GFRAL: variants seen among roughly 807,000 people sequenced by gnomAD.
The protein encoded by GFRAL is GDNF family receptor alpha like.
In GFRAL, 36 loss-of-function variants were observed where a neutral mutation model predicts 45.4. The ratio of observed to expected loss-of-function variants is 0.79; its 90% CI spans 0.61 to 1.05. The LOEUF (loss-of-function observed/expected upper bound fraction) is 1.05, where lower values mean the gene tolerates loss of function less well. Among genes scored for constraint, GFRAL ranks in the 50% least tolerant of loss-of-function variants. GFRAL has a pLI of 0.00. For missense variants in GFRAL, 507 were observed against 467.5 expected, an observed-to-expected ratio of 1.08 and a Z score of -0.78; for synonymous variants, 166 against 154.1, an observed-to-expected ratio of 1.08 and a Z score of -0.57.
In GFRAL at chr6:55,401,984, T is replaced by C; in HGVS notation, c.*131T>C. 1 of 593,834 alleles carries C rather than the reference T, an allele frequency of 1.7e-6. No homozygotes were observed. Among genetic ancestry groups the C allele is most frequent in the Admixed American group, 3.6e-5 (1 of 27,690 alleles). The allele number at this position is 593,834 out of a possible 1,614,324, so 36.8% of individuals were successfully genotyped here. A position where few individuals can be genotyped will look rare whatever the true frequency, so the allele number is the denominator to read the frequency against. On this transcript the variant is annotated 3_prime_UTR_variant, in exon 9 of 9. Coordinates refer to ENST00000340465, the MANE Select transcript of GFRAL (RefSeq NM_207410.2). ...CCTCTCTGTTTCTTTTTCTTTTTCT[T>C]TTCTTTTTTGTGGCGGAGTTTTGCT... is the stretch of plus-strand genomic sequence containing the variant.
chr6:55,334,135 TAC>T (rs1183491465), intron 3 of GFRAL, among the ~76,000 whole-genome samples, 191 bp downstream of exon 3: 1 of 152,176 alleles, frequency 6.6e-6, no homozygotes, highest in Non-Finnish European at 1.5e-5. Flanking sequence ...GGTGTTTTGA[TAC>T]AGTTCTTGAT....
In GFRAL at chr6:55,358,031, T is replaced by C. The variant is rs545498033; in HGVS notation, c.702-857T>C. 6.0e-4 allele frequency among the ~76,000 whole-genome samples: 91 copies of C among 151,940 alleles called. 2 individuals carry two copies. The East Asian group carries it at 9.1e-3, about 15-fold the overall frequency. On this transcript the variant is annotated intron_variant, in intron 5 of 8. Coordinates refer to ENST00000340465, the MANE Select transcript of GFRAL (RefSeq NM_207410.2). ...TATTTCCTTTATTATAAATTTAATA[T>C]ACATGAATTAATCTTCATTATTATA...
chr6:55,391,938 A>G (rs1007778703), intron 6 of GFRAL, among the ~76,000 whole-genome samples: 1 of 152,094 alleles, frequency 6.6e-6, no homozygotes, highest in Admixed American at 6.6e-5. Flanking sequence ...TCCAGCTTCT[A>G]TTGCCTATGT....
chr6:55,390,028 C>G (rs1415826874), intron 6 of GFRAL, among the ~76,000 whole-genome samples: 1 of 152,248 alleles, frequency 6.6e-6, no homozygotes, highest in Non-Finnish European at 1.5e-5. Flanking sequence ...ATGCATACCT[C>G]ACTGCCTAAG....
At chr6:55,365,912 G>C (rs568557948) in intron 6 of GFRAL, among the ~76,000 whole-genome samples, 1 of 145,750 alleles carries the variant, frequency 6.9e-6, no homozygotes. Context: ...TTTTTTTGTT[G>C]TGTCCCTGCC....
chr6:55,335,387 G>C (rs1304972516), intron 3 of GFRAL, among the ~76,000 whole-genome samples: 1 of 151,816 alleles, frequency 6.6e-6, no homozygotes, highest in Non-Finnish European at 1.5e-5. Flanking sequence ...CAGAATATGT[G>C]TTTTGTATTT....
At chr6:55,376,413 G>A (rs140256450) in intron 6 of GFRAL, among the ~76,000 whole-genome samples, 3,875 of 152,026 alleles carry the variant, frequency 0.025, 90 homozygotes, top group Admixed American at 0.044. Flanking sequence ...TCAATTTTTT[G>A]GAATAGTTTC....
In GFRAL at chr6:55,371,807, T is replaced by C. The variant is rs200599133; in HGVS notation, c.952+12669T>C. 9.2e-5 allele frequency among the ~76,000 whole-genome samples: 14 copies of C among 152,348 alleles called. No individual in the cohort carries two copies. In the East Asian group the frequency reaches 2.7e-3, roughly 29 times the overall value. On this transcript the variant is annotated intron_variant, in intron 6 of 8. Coordinates refer to ENST00000340465, the MANE Select transcript of GFRAL (RefSeq NM_207410.2). ...CAGAAATAGAACTAAAGTATTCATT[T>C]AAACACATTCAAGAATCTCTATTTG...
At chr6:55,365,643 G>A (rs1480277567) in intron 6 of GFRAL, among the ~76,000 whole-genome samples, 1 of 134,920 alleles carries the variant, frequency 7.4e-6, no homozygotes, top group African/African-American at 3.0e-5. Context: ...AGAGTTTTTA[G>A]CATGAAGGGT....
chr6:55,349,411 G>A (rs1195592674), intron 3 of GFRAL, among the ~76,000 whole-genome samples: 1 of 151,944 alleles, frequency 6.6e-6, no homozygotes, highest in Non-Finnish European at 1.5e-5. Context: ...GGATACATTA[G>A]TGCTCCTTAT....
rs147652095 is a variant in GFRAL, at chr6:55,350,097, G to T, written c.322G>T (p.Val108Leu). The change falls in exon 4 of 9, where the codon GTG (valine) becomes TTG (leucine). Residue 108 changes from valine to leucine, a missense_variant. Physicochemically the swap from Val to Leu is conservative, Grantham distance 32. Coordinates refer to ENST00000340465, the MANE Select transcript of GFRAL (RefSeq NM_207410.2). Reference sequence around the variant, plus strand: ...TTTCTTTGTTTTCCTTCTAGATAACGTGAAAGAGGATAAATTCAAATGGAA... The same window carrying T: ...TTTCTTTGTTTTCCTTCTAGATAACTTGAAAGAGGATAAATTCAAATGGAA... ...GKKCINKSDN[V>L]KEDKFKWNLT... is the part of the protein sequence containing the mutation. 5 of 1,517,276 alleles carry T rather than the reference G, an allele frequency of 3.3e-6. No individual in the cohort carries two copies. In the East Asian group the frequency reaches 6.8e-5, roughly 21 times the overall value. 94.0% of individuals were successfully genotyped at this position (1,517,276 alleles called of 1,614,324 possible).
At chr6:55,353,260 A>G (rs1562053607) in intron 5 of GFRAL, among the ~76,000 whole-genome samples, 1 of 152,070 alleles carries the variant, frequency 6.6e-6, no homozygotes, top group African/African-American at 2.4e-5. Context: ...AAAAAAACAC[A>G]AAAAGTAATG....
At chr6:55,393,676 A>G (rs1317243613) in intron 6 of GFRAL, among the ~76,000 whole-genome samples, 2 of 152,124 alleles carry the variant, frequency 1.3e-5, no homozygotes, top group Non-Finnish European at 2.9e-5. Context: ...GCAAGGGGGG[A>G]GGAAAGAAGC....
chr6:55,330,319 T>A (rs537949176), intron 1 of GFRAL, among the ~76,000 whole-genome samples: 82 of 152,228 alleles, frequency 5.4e-4, no homozygotes, highest in African/African-American at 1.8e-3. Flanking sequence ...GTGACAAAAA[T>A]ACAGTTATAA....
Position 55,363,131 on chromosome 6 carries a change from A to C in GFRAL, c.952+3993A>C, listed in dbSNP as rs941458823. ...TACAAGAGATGGAAAACATAGCAAT[A>C]CAAAAAAAAAAGCATGTGATACATG... On this transcript the variant is annotated intron_variant, in intron 6 of 8. Coordinates refer to ENST00000340465, the MANE Select transcript of GFRAL (RefSeq NM_207410.2). 1.2e-4 allele frequency among the ~76,000 whole-genome samples: 9 copies of C among 76,528 alleles called. No individual in the cohort carries two copies. In the East Asian group the frequency reaches 2.3e-3, roughly 19 times the overall value. The allele number at this position is 76,528 out of a possible 152,430, so 50.2% of individuals were successfully genotyped here. A position where few individuals can be genotyped will look rare whatever the true frequency, so the allele number is the denominator to read the frequency against.
intron 3 of GFRAL, among the ~76,000 whole-genome samples, chr6:55,335,076 C>T (rs2127350369): frequency 6.6e-6 from 1 of 152,214 alleles, no homozygotes; most frequent in South Asian, 2.1e-4. Context: ...CTTAATGTTA[C>T]AAAAAGCTTC....
rs534566994 is a variant in GFRAL at position 55,402,045 on chromosome 6, C to T, written c.*192C>T. ...AGGCTGCAGTACAATGGCTCAATCT[C>T]GGTTCACTGCAACCTCTGCCTCCAA... On this transcript the variant is annotated 3_prime_UTR_variant, in exon 9 of 9. Coordinates refer to ENST00000340465, the MANE Select transcript of GFRAL (RefSeq NM_207410.2). 139 of 448,620 alleles carry T rather than the reference C, an allele frequency of 3.1e-4. No homozygotes were observed. The East Asian group carries it at 4.3e-3, about 14-fold the overall frequency. The allele number at this position is 448,620 out of a possible 1,614,324, so 27.8% of individuals were successfully genotyped here.
At chr6:55,341,949 G>A (rs1294267613) in intron 3 of GFRAL, among the ~76,000 whole-genome samples, 2 of 146,952 alleles carry the variant, frequency 1.4e-5, no homozygotes, top group Non-Finnish European at 2.9e-5. Context: ...CAAATGAAAG[G>A]AAGCGAGAAG....
chr6:55,390,895 TACACACAC>T (rs34769114), intron 6 of GFRAL, among the ~76,000 whole-genome samples: 207 of 135,610 alleles, frequency 1.5e-3, no homozygotes, highest in African/African-American at 5.7e-3. Flanking sequence ...CTCACACACA[TACACACAC>T]ACACACACAC....
Sources: gnomAD v4.1 joint callset for allele counts (sites outside exome capture counted in the v4.1 genomes callset) on GRCh38, gnomAD v4.1.1 for gene constraint, MANE v1.5 for transcripts, NCBI Gene and HGNC (gene_info 2026-07-23, HGNC 2026-07-21) for gene names.